CACUL1: variants seen among roughly 807,000 people sequenced by gnomAD.
CACUL1 encodes CDK2 associated cullin domain 1.
Under a neutral mutation model 45.2 loss-of-function variants are expected in CACUL1, and 13 were observed. That is an observed-to-expected ratio of 0.29 (90% CI 0.19 to 0.46). The LOEUF is 0.46. CACUL1 is among the 20% of genes least tolerant of loss of function. The pLI, the probability that CACUL1 is intolerant of heterozygous loss-of-function variation, is 1.00. For synonymous variants in CACUL1, 197 were observed against 174.2 expected (o/e 1.13, Z -1.03); for missense variants, 421 against 471.4 (o/e 0.89, Z 0.99).
chr10:118,749,573 G>A (rs1845876163), intron 1 of CACUL1, among the ~76,000 whole-genome samples: 1 of 152,208 alleles, frequency 6.6e-6, no homozygotes, highest in Admixed American at 6.5e-5. Flanking sequence ...GAATAAAGAA[G>A]AGGATGAGTT....
intron 1 of CACUL1, among the ~76,000 whole-genome samples, chr10:118,734,454 A>G (rs928712167): frequency 3.3e-5 from 5 of 152,358 alleles, no homozygotes; most frequent in African/African-American, 1.2e-4. Flanking sequence ...TAAAGTATGA[A>G]ACCTAAACAA....
At chr10:118,749,710 T>C (rs1002709794) in intron 1 of CACUL1, among the ~76,000 whole-genome samples, 1 of 152,212 alleles carries the variant, frequency 6.6e-6, no homozygotes, top group African/African-American at 2.4e-5. Context: ...CAAAGATTAA[T>C]AAACACTGGC....
chr10:118,729,849 CT>C (rs1845682911), intron 2 of CACUL1, among the ~76,000 whole-genome samples: 2 of 152,306 alleles, frequency 1.3e-5, no homozygotes, highest in South Asian at 4.2e-4. Flanking sequence ...TCACTTCCTC[CT>C]TTCACTGTGC....
chr10:118,752,301 T>C (rs1213522105), intron 1 of CACUL1, among the ~76,000 whole-genome samples: 1 of 152,334 alleles, frequency 6.6e-6, no homozygotes, highest in East Asian at 1.9e-4. Flanking sequence ...TGAAGGTTTT[T>C]GGTAATGACC....
intron 1 of CACUL1, among the ~76,000 whole-genome samples, chr10:118,748,680 T>C (rs1845867318): frequency 6.6e-6 from 1 of 152,172 alleles, no homozygotes; most frequent in Non-Finnish European, 1.5e-5. Flanking sequence ...CTCAATCATT[T>C]GGTATAACAC....
At chr10:118,723,224 AT>A (rs1185074533) in intron 3 of CACUL1, among the ~76,000 whole-genome samples, 5 of 151,404 alleles carry the variant, frequency 3.3e-5, no homozygotes, top group African/African-American at 1.2e-4. Context: ...AAATTATTCC[AT>A]TTTTTCCCCT....
At position 118,686,121 on chromosome 10, in the gene CACUL1, A is replaced by ACATT; in HGVS notation, c.*3_*6dup. The ACATT allele has an allele frequency of 6.2e-7, 1 of 1,608,194 alleles. No individual in the cohort carries two copies. ...TTTCAGGAAGGAAAGCATATTCAAT[A>ACATT]CATTCACTATCTGTACCCCCTGGAA... On this transcript the variant is annotated 3_prime_UTR_variant, in exon 9 of 9. Transcript: ENST00000369151.
intron 3 of CACUL1, among the ~76,000 whole-genome samples, chr10:118,711,457 A>G (rs1193937547): frequency 6.6e-6 from 1 of 152,220 alleles, no homozygotes; most frequent in African/African-American, 2.4e-5. Flanking sequence ...CAAACTTTTA[A>G]CTATAACTAA....
chr10:118,748,091 AAAAG>A (rs1321244589), intron 1 of CACUL1, among the ~76,000 whole-genome samples: 1 of 152,182 alleles, frequency 6.6e-6, no homozygotes, highest in African/African-American at 2.4e-5. Flanking sequence ...TCTCCAAAAA[AAAAG>A]AGAGAGACAG....
chr10:118,744,613 T>G (rs1200454103), intron 1 of CACUL1, among the ~76,000 whole-genome samples: 1 of 152,164 alleles, frequency 6.6e-6, no homozygotes, highest in Non-Finnish European at 1.5e-5. Context: ...TTATTCACTT[T>G]AAAATAGTTA....
chr10:118,733,332 A>C (rs114107088), intron 1 of CACUL1, among the ~76,000 whole-genome samples: 3,664 of 150,652 alleles, frequency 0.024, 116 homozygotes, highest in African/African-American at 0.076. Context: ...TCCACACACA[A>C]AAAAAAAAGC....
In CACUL1 at chr10:118,754,643, C is replaced by A. The variant is rs543725994; in HGVS notation, c.120G>T (p.Pro40=). 77 of 1,605,686 alleles carry A rather than the reference C, an allele frequency of 4.8e-5. No individual in the cohort carries two copies. In the South Asian group the frequency reaches 8.4e-4, roughly 17 times the overall value. ...CAGGGGCCGGGATCGACGAGGGGGG[C>A]GGCGGAGGTGGCAGGGGCTGCCGGA... The part of the protein sequence containing the change: ...DGFRQPLPPP[P]PPSSIPAPAR... Residue 40 remains proline, a synonymous_variant, in exon 1 of 9, where the codon CCG becomes CCT. Transcript: ENST00000369151.
chr10:118,737,263 G>C (rs567921659), intron 1 of CACUL1, among the ~76,000 whole-genome samples: 330 of 152,224 alleles, frequency 2.2e-3, no homozygotes, highest in African/African-American at 7.7e-3. Flanking sequence ...ATTTGTTTGG[G>C]AAGTTTCTAA....
At chr10:118,735,864 TATGA>T in intron 1 of CACUL1, among the ~76,000 whole-genome samples, 1 of 152,024 alleles carries the variant, frequency 6.6e-6, no homozygotes, top group East Asian at 1.9e-4. Context: ...AAGGCTAAAT[TATGA>T]ATGACTTTTT....
intron 2 of CACUL1, 137 bp from the exon 3 acceptor site, chr10:118,729,534 T>C (rs933660420): frequency 3.1e-6 from 2 of 644,264 alleles, no homozygotes; most frequent in African/African-American, 1.8e-5. Context: ...ATCACAACTT[T>C]TAAATAAAAA....
intron 1 of CACUL1, among the ~76,000 whole-genome samples, chr10:118,751,520 T>C (rs538487935): frequency 2.0e-5 from 3 of 152,326 alleles, no homozygotes; most frequent in East Asian, 1.9e-4. Flanking sequence ...CTTTTATACA[T>C]GTATCCAGGT....
chr10:118,715,039 C>T (rs977906659), intron 3 of CACUL1, among the ~76,000 whole-genome samples: 3 of 152,116 alleles, frequency 2.0e-5, no homozygotes, highest in African/African-American at 7.2e-5. Context: ...TCCTTTGTTA[C>T]CAGATTGTTG....
intron 1 of CACUL1, among the ~76,000 whole-genome samples, chr10:118,740,697 C>T (rs1397722477): frequency 2.0e-5 from 3 of 151,924 alleles, no homozygotes; most frequent in East Asian, 1.9e-4. Context: ...GAGGCTGAGG[C>T]GGGCAGATCA....
At chr10:118,719,506 C>T (rs1845580819) in intron 3 of CACUL1, among the ~76,000 whole-genome samples, 1 of 152,086 alleles carries the variant, frequency 6.6e-6, no homozygotes, top group Non-Finnish European at 1.5e-5. Context: ...CTGACAAAGA[C>T]GCTTCATAAA....
Sources: allele counts gnomAD v4.1 joint callset (sites outside exome capture counted in the v4.1 genomes callset), GRCh38; gene constraint gnomAD v4.1.1; transcripts MANE v1.5; gene names NCBI Gene and HGNC (gene_info 2026-07-23, HGNC 2026-07-21).